The following TTN variants were observed in gnomAD, a reference collection of about 807,000 sequenced individuals.
TTN encodes the protein connectin.
TTN carries 1,525 observed loss-of-function variants against 3,223.0 expected under a neutral mutation model. The observed-to-expected ratio is 0.47, with a 90% CI of 0.45 to 0.49. The LOEUF (loss-of-function observed/expected upper bound fraction) is 0.49, where lower values mean the gene tolerates loss of function less well. Among genes scored for constraint, TTN ranks in the 20% least tolerant of loss-of-function variants. The pLI is 0.00. For synonymous variants in TTN, 14,094 were observed against 15,161.0 expected, an observed-to-expected ratio of 0.93 and a Z score of 5.17; for missense variants, 40,786 against 43,424.0, an observed-to-expected ratio of 0.94 and a Z score of 5.40.
chr2:178,592,184 G>GAAT lies in TTN; in HGVS notation c.59719_59720insATT (p.Gly19906_Ser19907insTyr). 2 of 1,612,596 alleles carry GAAT rather than the reference G, an allele frequency of 1.2e-6. No individual in the cohort carries two copies. Among genetic ancestry groups the GAAT allele is most frequent in the Non-Finnish European group, 1.7e-6 (2 of 1,179,366 alleles). On this transcript the variant is annotated inframe_insertion, in exon 302 of 363. Transcript: ENST00000589042. ...CTCAACCACATAATTGGTAATAACA[G>GAAT]AACCACCATCATCCAGTGGTTCTTT...
In TTN at chr2:178,611,412, T is replaced by C; in HGVS notation, c.50817A>G (p.Pro16939=). The C allele has an allele frequency of 6.2e-7, 1 of 1,612,928 alleles. No individual in the cohort carries two copies. The highest frequency in any genetic ancestry group is 8.5e-7 in the Non-Finnish European group (1 of 1,179,320). ...CAACCACATTTTCAGAGATTTCAGATGGCTCGCTGACACCAATAGCATTGA... is the reference window on the plus strand; with the variant it reads ...CAACCACATTTTCAGAGATTTCAGACGGCTCGCTGACACCAATAGCATTGA... ...RAVNAIGVSE[P]SEISENVVAK... is the part of the protein sequence containing the mutation. The change falls in exon 269 of 363, where the codon CCA becomes CCG. Residue 16939 remains proline (P), a synonymous_variant. Coordinates refer to ENST00000589042, the MANE Select transcript of TTN (RefSeq NM_001267550.2).
In TTN at chr2:178,545,127, T is replaced by C. The variant is rs569271975; in HGVS notation, c.95722+261A>G. Among the ~76,000 whole-genome samples, 4 of 152,342 alleles carry C rather than the reference T, an allele frequency of 2.6e-5. No homozygotes were observed. In the South Asian group the frequency reaches 8.3e-4, roughly 32 times the overall value. On this transcript the variant is annotated intron_variant, in intron 344 of 362. Transcript: ENST00000589042. ...TTTTCTCTAAGGAAAATTTATAAAA[T>C]AGATTCTTTTCATATTGATAGAATA...
Position 178,780,163 on chromosome 2 carries a change from T to G in TTN, c.3566A>C (p.Tyr1189Ser). Reference sequence around the variant, plus strand: ...AACAAATGCAGTCACTTGTGTCTGATAAAGCATTTCTTGCTGGGACTTCAT... The same window carrying G: ...AACAAATGCAGTCACTTGTGTCTGAGAAAGCATTTCTTGCTGGGACTTCAT... ...LLMKSQQEMLYQTQVTAFVQE... is the reference protein window; with the variant it reads ...LLMKSQQEMLSQTQVTAFVQE... The change falls in exon 22 of 363, where the codon TAT becomes TCT. Residue 1189 changes from tyrosine (Y) to serine (S), a missense_variant. Physicochemically the swap from Tyr to Ser is moderately radical, Grantham distance 144 (BLOSUM62 -2). Transcript: ENST00000589042. 6.2e-7 allele frequency: 1 copy of G among 1,613,910 alleles called. No individual in the cohort carries two copies. Among genetic ancestry groups the G allele is most frequent in the African/African-American group, 1.3e-5 (1 of 75,042 alleles).
chr2:178,573,977 T>A lies in TTN; in HGVS notation c.72155A>T (p.Asp24052Val). 6.2e-7 allele frequency: 1 copy of A among 1,613,412 alleles called. No individual in the cohort carries two copies. The highest frequency in any genetic ancestry group is 8.5e-7 in the Non-Finnish European group (1 of 1,179,612). ...KAGEAFRLEA[D>V]VSGRPPPTME... ...TGTTGGAGGTGGGCGGCCTGAAACA[T>A]CAGCTTCCAGTCTGAATGCTTCACC... Residue 24052 changes from aspartate (D) to valine (V), a missense_variant, in exon 326 of 363, where the codon GAT (aspartate) becomes GTT (valine). Physicochemically the swap from Asp to Val is radical, Grantham distance 152. Coordinates refer to ENST00000589042, the MANE Select transcript of TTN (RefSeq NM_001267550.2).
At chr2:178,653,014 C>G (rs2063364985) in intron 199 of TTN, 27 bp downstream of exon 199, 1 of 1,611,428 alleles carries the variant, frequency 6.2e-7, no homozygotes, top group Non-Finnish European at 8.5e-7. Flanking sequence ...GTTCAGTCTT[C>G]TGAAGCCTAA....
rs945228543 is a variant in TTN at position 178,711,082 on chromosome 2, C to T, written c.28154G>A (p.Ser9385Asn). Residue 9385 changes from serine (S) to asparagine (N), a missense_variant, in exon 97 of 363, where the codon AGT becomes AAT. Physicochemically the swap from Ser to Asn is conservative, Grantham distance 46. Coordinates refer to ENST00000589042, the MANE Select transcript of TTN (RefSeq NM_001267550.2). ...ATNPIGSASS[S>N]ARLILTEGKN... ...CAAACCTGTGAGAATGAGCCTGGCA[C>T]TGGAAGAAGCAGAGCCTATAGGGTT... 4.4e-6 allele frequency: 7 copies of T among 1,594,286 alleles called. No individual in the cohort carries two copies. Among genetic ancestry groups the T allele is most frequent in the Admixed American group, 1.8e-5 (1 of 57,000 alleles).
intron 208 of TTN, 125 bp downstream of exon 208, chr2:178,651,116 TAA>T: frequency 2.5e-6 from 2 of 789,726 alleles, no homozygotes; most frequent in Non-Finnish European, 4.1e-6. Context: ...ATTCAGACCC[TAA>T]AAATCCAGAA....
Position 178,550,028 on chromosome 2 carries a change from C to G in TTN, c.91810G>C (p.Ala30604Pro), listed in dbSNP as rs1340152614. 1 of 1,611,404 alleles carries G rather than the reference C, an allele frequency of 6.2e-7. No individual in the cohort carries two copies. The highest frequency in any genetic ancestry group is 1.7e-5 in the Admixed American group (1 of 59,914). ...ATTTCTGCTTTTGCAGAACCAGATGCATTTTTGGCTTCCACTGTGTATACA... is the reference window on the plus strand; with the variant it reads ...ATTTCTGCTTTTGCAGAACCAGATGGATTTTTGGCTTCCACTGTGTATACA... ...RGVYTVEAKN[A>P]SGSAKAEIKV... The change falls in exon 337 of 363, where the codon GCA (alanine) becomes CCA (proline). Residue 30604 changes from alanine (A) to proline (P), a missense_variant. By Grantham distance (27) the Ala-to-Pro change is conservative. Transcript: ENST00000589042.
intron 361 of TTN, 44 bp downstream of exon 361, chr2:178,528,230 A>G (rs1384404408): frequency 1.9e-6 from 3 of 1,575,906 alleles, no homozygotes; most frequent in Non-Finnish European, 2.6e-6. Context: ...AAAACGATCT[A>G]AAGGCCTTAA....
rs969879806 is a variant in TTN at position 178,750,953 on chromosome 2, T to G, written c.11311+2171A>C. 1.9e-6 allele frequency: 3 copies of G among 1,612,876 alleles called. No individual in the cohort carries two copies. The African/African-American group carries it at 4.0e-5, about 22-fold the overall frequency. On this transcript the variant is annotated intron_variant, in intron 47 of 362. Transcript: ENST00000589042. ...ATATAAATGGTCTTTTGGTAGACTT[T>G]CCTTTACCAGTGCTTCTTGGCTCAT...
intron 233 of TTN, 65 bp from the exon 234 acceptor site, chr2:178,633,109 TC>T: frequency 6.3e-7 from 1 of 1,599,490 alleles, no homozygotes; most frequent in Non-Finnish European, 8.5e-7. Flanking sequence ...CTACAAATCA[TC>T]AAGATATTTT....
In TTN at chr2:178,636,249, G is replaced by A; in HGVS notation, c.41330-8C>T. ...CAAAACGCACAGGAAGTTCTATGGA[G>A]AATTTCAGTATATATTTCAATAAAT... On this transcript the variant is annotated splice_polypyrimidine_tract_variant and splice_region_variant and intron_variant, in intron 225 of 362. Coordinates refer to ENST00000589042, the MANE Select transcript of TTN (RefSeq NM_001267550.2). This position sits in a 1 kb window ranked among gnomAD's most constrained non-coding sequence, Gnocchi z 4.3. 5 of 1,525,744 alleles carry A rather than the reference G, an allele frequency of 3.3e-6. No individual in the cohort carries two copies. Among genetic ancestry groups the A allele is most frequent in the Non-Finnish European group, 4.4e-6 (5 of 1,136,744 alleles). 94.5% of individuals were successfully genotyped at this position (1,525,744 alleles called of 1,614,324 possible).
intron 47 of TTN, chr2:178,746,095 A>C (rs978990350): frequency 1.2e-6 from 2 of 1,613,448 alleles, no homozygotes; most frequent in South Asian, 2.2e-5. Context: ...TAAGAGTGTG[A>C]CTTCCCTTCT....
In TTN at chr2:178,694,644, T is replaced by C; in HGVS notation, c.31381A>G (p.Lys10461Glu). 6.4e-7 allele frequency: 1 copy of C among 1,559,012 alleles called. No individual in the cohort carries two copies. Among genetic ancestry groups the C allele is most frequent in the Non-Finnish European group, 8.7e-7 (1 of 1,150,042 alleles). ...TCCTGTACTGGAGTCCGGGAAGGTT[T>C]TTGTGGAACAATCTTCTTTGAAACT... Reference protein sequence around the residue: ...PEVSKKIVPQKPSRTPVQEEV... With the variant: ...PEVSKKIVPQEPSRTPVQEEV... The change falls in exon 117 of 363, where the codon AAA becomes GAA. Residue 10461 changes from lysine to glutamate, a missense_variant. Transcript: ENST00000589042.
Position 178,718,195 on chromosome 2 carries a change from C to G in TTN, c.24811G>C (p.Glu8271Gln). ...LEPPYFIEPL[E>Q]HVEAVIGEPA... is the part of the protein sequence containing the mutation. ...TCTCCAATGACTGCTTCCACATGTT[C>G]CAGAGGTTCAATAAAGTACGGTGGT... Residue 8271 changes from glutamate to glutamine, a missense_variant, in exon 86 of 363, where the codon GAA becomes CAA. Coordinates refer to ENST00000589042, the MANE Select transcript of TTN (RefSeq NM_001267550.2). 6.2e-7 allele frequency: 1 copy of G among 1,602,890 alleles called. No homozygotes were observed. The highest frequency in any genetic ancestry group is 1.1e-5 in the South Asian group (1 of 90,766).
intron 2 of TTN, 139 bp from the exon 3 acceptor site, chr2:178,802,480 C>G: frequency 1.0e-6 from 1 of 969,284 alleles, no homozygotes; most frequent in Admixed American, 2.1e-5. Context: ...AGGGAAAACC[C>G]TACAGTTGCA....
At position 178,547,571 on chromosome 2, in the gene TTN, C is replaced by A; in HGVS notation, c.94055G>T (p.Gly31352Val). Residue 31352 changes from glycine (G) to valine (V), a missense_variant, in exon 339 of 363, where the codon GGT becomes GTT. By Grantham distance (109) the Gly-to-Val change is moderately radical (BLOSUM62 -3). Coordinates refer to ENST00000589042, the MANE Select transcript of TTN (RefSeq NM_001267550.2). ...ATTGACAAGCTGCCAAGCTGTTGTA[C>A]CCGATTCACGCTTTTCAACTATGTA... Reference protein sequence around the residue: ...TNYIVEKRESGTTAWQLVNSS... With the variant: ...TNYIVEKRESVTTAWQLVNSS... The A allele has an allele frequency of 6.2e-7, 1 of 1,613,748 alleles. No homozygotes were observed. Among genetic ancestry groups the A allele is most frequent in the Non-Finnish European group, 8.5e-7 (1 of 1,179,802 alleles).
chr2:178,709,709 G>A lies in TTN; in HGVS notation c.28610C>T (p.Thr9537Ile). The A allele has an allele frequency of 1.2e-6, 2 of 1,613,914 alleles. No homozygotes were observed. Among genetic ancestry groups the A allele is most frequent in the Non-Finnish European group, 1.7e-6 (2 of 1,179,820 alleles). ...CTTGAATGTTATTTCACAGTTAGAA[G>A]TTGGTTGTATCTCTATATTATTTTT... ...WYKNNIEIQP[T>I]SNCEITFKNN... is the part of the protein sequence containing the mutation. Residue 9537 changes from threonine to isoleucine, a missense_variant, in exon 99 of 363, where the codon ACT becomes ATT. Transcript: ENST00000589042.
rs1206283355 is a variant in TTN at position 178,681,718 on chromosome 2, C to A, written c.33115G>T (p.Val11039Leu). Reference sequence around the variant, plus strand: ...ACTGGTTCTTCTGGGACAGGCTTTACAGGGATAGGCTTCTCTGGTTCTTTA... The same window carrying A: ...ACTGGTTCTTCTGGGACAGGCTTTAAAGGGATAGGCTTCTCTGGTTCTTTA... ...YITEPEKPIP[V>L]KPVPEEPVPT... is the part of the protein sequence containing the mutation. The change falls in exon 136 of 363, where the codon GTA becomes TTA. Residue 11039 changes from valine to leucine, a missense_variant. Val to Leu is a conservative substitution (Grantham distance 32). Coordinates refer to ENST00000589042, the MANE Select transcript of TTN (RefSeq NM_001267550.2). 6.2e-7 allele frequency: 1 copy of A among 1,601,248 alleles called. No individual in the cohort carries two copies. Among genetic ancestry groups the A allele is most frequent in the Non-Finnish European group, 8.5e-7 (1 of 1,176,786 alleles).
Sources: allele counts gnomAD v4.1 joint callset (sites outside exome capture counted in the v4.1 genomes callset), GRCh38; gene constraint gnomAD v4.1.1; non-coding constraint Gnocchi (gnomAD v3.1); transcripts MANE v1.5; gene names NCBI Gene and HGNC (gene_info 2026-07-23, HGNC 2026-07-21).